SLAMF6: variants seen among roughly 807,000 people sequenced by gnomAD.
SLAMF6 encodes the protein NK-T-B-antigen.
SLAMF6 carries 21 observed loss-of-function variants against 38.3 expected under a neutral mutation model. The observed-to-expected ratio is 0.55, with a 90% confidence interval of 0.39 to 0.79. SLAMF6 has a LOEUF of 0.79. Among genes scored for constraint, SLAMF6 ranks in the 30% least tolerant of loss-of-function variants. SLAMF6 has a pLI of 0.00. For synonymous variants in SLAMF6, 152 were observed against 146.3 expected, an observed-to-expected ratio of 1.04 and a Z score of -0.28; for missense variants, 341 against 385.3, an observed-to-expected ratio of 0.89 and a Z score of 0.96.
intron 1 of SLAMF6, among the ~76,000 whole-genome samples, chr1:160,505,654 G>A (rs773519699): frequency 3.2e-4 from 49 of 151,922 alleles, no homozygotes; most frequent in Non-Finnish European, 5.4e-4. Flanking sequence ...TACCTGCCTC[G>A]GCCCCCACAA....
chr1:160,487,133 TTGTGATAGTA>T lies in SLAMF6; in HGVS notation c.912_921del (p.Asp304GlufsTer38). 6.2e-7 allele frequency: 1 copy of T among 1,613,240 alleles called. No homozygotes were observed. The highest frequency in any genetic ancestry group is 8.5e-7 in the Non-Finnish European group (1 of 1,179,664). ...TTGGAATGATTAATTGTGGAGTAAA[TTGTGATAGTA>T]TCATTTTCTCTAGGTGTCCAGATTT... On this transcript the variant is annotated frameshift_variant, in exon 7 of 8. Coordinates refer to ENST00000368057, the MANE Select transcript of SLAMF6 (RefSeq NM_001184714.2). LOFTEE classifies it low-confidence loss of function (END_TRUNC).
At chr1:160,490,793 T>G (rs1183731696) in intron 3 of SLAMF6, 108 bp from the exon 4 acceptor site, 11 of 1,486,124 alleles carry the variant, frequency 7.4e-6, no homozygotes, top group Middle Eastern at 1.8e-4. Flanking sequence ...CTAGGTAAGT[T>G]TGTCTATAGC....
At chr1:160,518,157 G>T (rs921082778) in intron 1 of SLAMF6, among the ~76,000 whole-genome samples, 1 of 150,828 alleles carries the variant, frequency 6.6e-6, no homozygotes, top group Non-Finnish European at 1.5e-5. Context: ...ATGGAAAAAA[G>T]CTCAACATCA....
chr1:160,510,198 C>T (rs369720508), intron 1 of SLAMF6, among the ~76,000 whole-genome samples: 9 of 152,158 alleles, frequency 5.9e-5, no homozygotes, highest in African/African-American at 2.2e-4. Context: ...TATTCTCAAG[C>T]TCTTCCCAAA....
In SLAMF6 at chr1:160,491,392, T is replaced by A; in HGVS notation, c.383-4A>T. The stretch of plus-strand genomic sequence containing the variant: ...ACTTGTATGTTCCTCAGTTGTCCTG[T>A]TTGCAGAAAAAAAAAAGATCCAGAT... On this transcript the variant is annotated splice_region_variant and splice_polypyrimidine_tract_variant and intron_variant, in intron 2 of 7. Coordinates refer to ENST00000368057, the MANE Select transcript of SLAMF6 (RefSeq NM_001184714.2). The A allele has an allele frequency of 6.2e-7, 1 of 1,602,924 alleles. No individual in the cohort carries two copies. The highest frequency in any genetic ancestry group is 1.7e-5 in the Admixed American group (1 of 57,970).
chr1:160,506,949 A>G (rs147188167), intron 1 of SLAMF6, among the ~76,000 whole-genome samples: 2 of 152,154 alleles, frequency 1.3e-5, no homozygotes, highest in African/African-American at 4.8e-5. Context: ...TAAACTATAC[A>G]TGAAAGAATA....
At chr1:160,515,515 G>T (rs1275739707) in intron 1 of SLAMF6, among the ~76,000 whole-genome samples, 1 of 152,142 alleles carries the variant, frequency 6.6e-6, no homozygotes, top group Admixed American at 6.6e-5. Flanking sequence ...TATGAGGCCA[G>T]TATCATCCTG....
Position 160,491,326 on chromosome 1 carries a change from G to A in SLAMF6, c.445C>T (p.Leu149Phe). The part of the protein sequence containing the change: ...SQLFQNMTCE[L>F]HLTCSVEDAD... Reference sequence around the variant, plus strand: ...TCCTCCACAGAGCAAGTCAGATGGAGCTCACAGGTCATATTCTGAAATAGC... The same window carrying A: ...TCCTCCACAGAGCAAGTCAGATGGAACTCACAGGTCATATTCTGAAATAGC... Residue 149 changes from leucine to phenylalanine, a missense_variant, in exon 3 of 8, where the codon CTC becomes TTC. Leu to Phe is a conservative substitution (Grantham distance 22, BLOSUM62 0). Coordinates refer to ENST00000368057, the MANE Select transcript of SLAMF6 (RefSeq NM_001184714.2). The A allele has an allele frequency of 6.2e-7, 1 of 1,614,000 alleles. No individual in the cohort carries two copies. The highest frequency in any genetic ancestry group is 8.5e-7 in the Non-Finnish European group (1 of 1,179,976).
intron 1 of SLAMF6, among the ~76,000 whole-genome samples, chr1:160,514,095 C>T (rs1010458291): frequency 6.6e-6 from 1 of 152,032 alleles, no homozygotes; most frequent in Non-Finnish European, 1.5e-5. Context: ...TTGTGAAGAC[C>T]CATTGGTGTG....
intron 1 of SLAMF6, 115 bp downstream of exon 1, chr1:160,523,029 C>T (rs573937161): frequency 5.4e-5 from 61 of 1,122,522 alleles, no homozygotes; most frequent in Non-Finnish European, 7.2e-5. Context: ...TCCCCTTTCC[C>T]GCCCCAATCC....
At chr1:160,498,868 G>T (rs186051329) in intron 1 of SLAMF6, among the ~76,000 whole-genome samples, 2 of 152,240 alleles carry the variant, frequency 1.3e-5, no homozygotes, top group Non-Finnish European at 2.9e-5. Context: ...CTTCATTTAA[G>T]AAGTGCCTGT....
Position 160,486,507 on chromosome 1 carries a change from C to T in SLAMF6, c.*200G>A. The T allele has an allele frequency of 1.8e-6, 1 of 556,454 alleles. No homozygotes were observed. The highest frequency in any genetic ancestry group is 3.2e-5 in the Admixed American group (1 of 30,888). The allele number at this position is 556,454 out of a possible 1,614,324, so 34.5% of individuals were successfully genotyped here. A position where few individuals can be genotyped will look rare whatever the true frequency, so the allele number is the denominator to read the frequency against. ...GGATTGGAAAATATTATTTGAACCA[C>T]ATGCTGGAAATGATGTTATCCTTAG... On this transcript the variant is annotated 3_prime_UTR_variant, in exon 8 of 8. Transcript: ENST00000368057.
At chr1:160,511,953 C>T (rs1654493934) in intron 1 of SLAMF6, among the ~76,000 whole-genome samples, 2 of 152,172 alleles carry the variant, frequency 1.3e-5, no homozygotes, top group African/African-American at 4.8e-5. Context: ...AGTGATTGTG[C>T]TACCCCACCC....
intron 1 of SLAMF6, among the ~76,000 whole-genome samples, chr1:160,521,363 G>C (rs1301467864): frequency 6.6e-6 from 1 of 152,094 alleles, no homozygotes; most frequent in African/African-American, 2.4e-5. Context: ...GTGGAGATTG[G>C]AGCACTGTAT....
intron 1 of SLAMF6, among the ~76,000 whole-genome samples, chr1:160,514,705 T>C (rs1227070571): frequency 6.6e-6 from 1 of 152,112 alleles, no homozygotes; most frequent in Non-Finnish European, 1.5e-5. Flanking sequence ...AGAAACTCAC[T>C]CAAAATCACA....
At chr1:160,516,057 T>A (rs2102066095) in intron 1 of SLAMF6, among the ~76,000 whole-genome samples, 1 of 152,236 alleles carries the variant, frequency 6.6e-6, no homozygotes, top group South Asian at 2.1e-4. Flanking sequence ...AGAGAGGAAG[T>A]CAAATTATCT....
intron 1 of SLAMF6, among the ~76,000 whole-genome samples, chr1:160,505,141 T>C (rs1654117234): frequency 6.6e-6 from 1 of 152,064 alleles, no homozygotes; most frequent in Admixed American, 6.5e-5. Context: ...ATGTGACAAA[T>C]AATATGTTTA....
At position 160,496,234 on chromosome 1, in the gene SLAMF6, G is replaced by T. The variant is rs1426133648; in HGVS notation, c.209C>A (p.Thr70Asn). The change falls in exon 2 of 8, where the codon ACC becomes AAC. Residue 70 changes from threonine to asparagine, a missense_variant. Transcript: ENST00000368057. Reference protein sequence around the residue: ...TSLAFIVPHETKSPEIHVTNP... With the variant: ...TSLAFIVPHENKSPEIHVTNP... Reference sequence around the variant, plus strand: ...AGTCACGTGGATTTCTGGACTTTTGGTTTCATGGGGTACTATGAAGGCAAG... The same window carrying T: ...AGTCACGTGGATTTCTGGACTTTTGTTTTCATGGGGTACTATGAAGGCAAG... The T allele has an allele frequency of 6.2e-7, 1 of 1,613,814 alleles. No individual in the cohort carries two copies. The highest frequency in any genetic ancestry group is 1.1e-5 in the South Asian group (1 of 91,060).
intron 1 of SLAMF6, among the ~76,000 whole-genome samples, chr1:160,519,145 A>G (rs1654875168): frequency 6.6e-6 from 1 of 152,208 alleles, no homozygotes; most frequent in Non-Finnish European, 1.5e-5. Flanking sequence ...AAAATGGGCA[A>G]AGGACTTGAA....
Sources: allele counts gnomAD v4.1 joint callset (sites outside exome capture counted in the v4.1 genomes callset), GRCh38; gene constraint gnomAD v4.1.1; transcripts MANE v1.5; gene names NCBI Gene and HGNC (gene_info 2026-07-23, HGNC 2026-07-21).